Variants in CRBN observed in about 807,000 individuals in gnomAD.
CRBN encodes the protein protein cereblon.
In CRBN, 53 loss-of-function variants were observed where a neutral mutation model predicts 62.2. The ratio of observed to expected loss-of-function variants is 0.85; its 90% CI spans 0.68 to 1.07. The LOEUF is 1.07. CRBN is among the 50% of genes least tolerant of loss of function. The probability of loss-of-function intolerance (pLI) is 0.00; values close to 1 mark genes in which losing one functional copy is unlikely to be tolerated. For missense variants in CRBN, 616 were observed against 531.1 expected (o/e 1.16, Z -1.57); for synonymous variants, 208 against 176.1 (o/e 1.18, Z -1.43).
At chr3:3,152,423 G>GA (rs11414437) in intron 10 of CRBN, 33 bp downstream of exon 10, 334,754 of 1,455,770 alleles carry the variant, frequency 0.23, 21,749 homozygotes, top group East Asian at 0.57. Flanking sequence ...GGTAAAAAAA[G>GA]AAAAAAAAAA....
chr3:3,149,810 TTAC>T (rs1292864341), downstream of CRBN: 1 of 152,140 alleles, frequency 6.6e-6, no homozygotes, highest in Non-Finnish European at 1.5e-5. Flanking sequence ...CCTCATACTA[TTAC>T]TACATTTGAG....
intron 3 of CRBN, 24 bp from the exon 4 acceptor site, chr3:3,172,949 A>T: frequency 6.2e-7 from 1 of 1,602,952 alleles, no homozygotes; most frequent in South Asian, 1.1e-5. Context: ...TTTAAAAGGA[A>T]AGAATTTTGA....
chr3:3,157,702 C>A (rs1706957817), intron 5 of CRBN, among the ~76,000 whole-genome samples: 1 of 152,224 alleles, frequency 6.6e-6, no homozygotes, highest in African/African-American at 2.4e-5. Context: ...CGCAACTGTA[C>A]AATGTGCTAC....
At chr3:3,168,362 G>C (rs1707438481) in intron 4 of CRBN, among the ~76,000 whole-genome samples, 1 of 152,076 alleles carries the variant, frequency 6.6e-6, no homozygotes, top group Non-Finnish European at 1.5e-5. Flanking sequence ...CTGTACAAAG[G>C]ATCAAACTAT....
intron 5 of CRBN, among the ~76,000 whole-genome samples, chr3:3,163,127 C>T (rs1384594638): frequency 6.6e-6 from 1 of 152,150 alleles, no homozygotes; most frequent in Admixed American, 6.5e-5. Flanking sequence ...CACTTGGAGT[C>T]CAAAATAGAT....
intron 5 of CRBN, among the ~76,000 whole-genome samples, chr3:3,161,962 A>T (rs572541785): frequency 6.6e-6 from 1 of 152,348 alleles, no homozygotes; most frequent in South Asian, 2.1e-4. Context: ...ATCCTTCTGT[A>T]TAAGAAAGAA....
In CRBN at chr3:3,150,093, CTGGGTGAGG is replaced by C; in HGVS notation, c.*763_*771del. On this transcript the variant is annotated 3_prime_UTR_variant, in exon 11 of 11. Transcript: ENST00000231948. ...AAAATAATACAGTATCAAGTTTAGT[CTGGGTGAGG>C]GGACATGTTTTGGCATCTTTTCCCT... The C allele has an allele frequency of 6.6e-6, 1 of 152,178 alleles. No homozygotes were observed. The highest frequency in any genetic ancestry group is 2.1e-4 in the South Asian group (1 of 4,826). 9.4% of individuals were successfully genotyped at this position (152,178 alleles called of 1,614,324 possible). A position where few individuals can be genotyped will look rare whatever the true frequency, so the allele number is the denominator to read the frequency against.
Position 3,170,328 on chromosome 3 carries a change from GATATTT to G in CRBN, c.527+2442_527+2447del, listed in dbSNP as rs542210685. Among the ~76,000 whole-genome samples, 489 of 152,240 alleles carry G rather than the reference GATATTT, an allele frequency of 3.2e-3. 2 individuals carry two copies. Among genetic ancestry groups the G allele is most frequent in the Non-Finnish European group, 5.4e-3 (368 of 68,024 alleles). On this transcript the variant is annotated intron_variant, in intron 4 of 10. Transcript: ENST00000231948. ...TGAAGTGTCATTTAGGTAAAAGATG[GATATTT>G]ATATTTTTTAATTTTTATTTTTCTA...
chr3:3,169,133 A>G (rs1251154993), intron 4 of CRBN, among the ~76,000 whole-genome samples: 1 of 152,216 alleles, frequency 6.6e-6, no homozygotes, highest in Non-Finnish European at 1.5e-5. Context: ...CAGTAACATT[A>G]TTGATCCCCT....
intron 1 of CRBN, among the ~76,000 whole-genome samples, chr3:3,176,037 C>A (rs543619779): frequency 7.9e-5 from 12 of 152,158 alleles, no homozygotes; most frequent in Admixed American, 1.3e-4. Context: ...TCCTTTCCCC[C>A]CTCCTTTTCA....
intron 4 of CRBN, chr3:3,172,484 C>A: frequency 2.4e-6 from 1 of 410,488 alleles, no homozygotes; most frequent in Non-Finnish European, 4.5e-6. Flanking sequence ...TGTTCTCAAA[C>A]CTGGAGAGAC....
Position 3,156,471 on chromosome 3 carries a change from AT to A in CRBN, c.688-191del. On this transcript the variant is annotated intron_variant, in intron 5 of 10. Transcript: ENST00000231948. ...AAATCATGCTTCCTATATCCTTCAA[AT>A]ATATATTGTAACTAGAATCTTCATT... 5.0e-6 allele frequency: 3 copies of A among 595,732 alleles called. No homozygotes were observed. The Admixed American group carries it at 9.1e-5, about 18-fold the overall frequency. The allele number at this position is 595,732 out of a possible 1,614,324, so 36.9% of individuals were successfully genotyped here.
intron 1 of CRBN, among the ~76,000 whole-genome samples, chr3:3,177,698 A>ACTC (rs1341442740): frequency 1.3e-5 from 2 of 152,142 alleles, no homozygotes; most frequent in South Asian, 2.1e-4. Flanking sequence ...AACTGTTCTG[A>ACTC]CTCCTAGTCT....
intron 10 of CRBN, among the ~76,000 whole-genome samples, chr3:3,151,650 T>C (rs1483608928): frequency 6.6e-6 from 1 of 152,198 alleles, no homozygotes; most frequent in African/African-American, 2.4e-5. Flanking sequence ...GTAACAAATG[T>C]ATTCTAGTTT....
chr3:3,164,540 C>T (rs1398532742), intron 5 of CRBN, among the ~76,000 whole-genome samples: 2 of 152,136 alleles, frequency 1.3e-5, no homozygotes, highest in Non-Finnish European at 2.9e-5. Context: ...AATCCTAGGG[C>T]CCTTTAAGAA....
intron 1 of CRBN, among the ~76,000 whole-genome samples, 186 bp downstream of exon 1, chr3:3,179,435 G>T (rs1707975027): frequency 6.6e-6 from 1 of 152,166 alleles, no homozygotes; most frequent in Non-Finnish European, 1.5e-5. Context: ...CAACAGAGCA[G>T]CGAAGAAAGC....
chr3:3,154,937 A>T, intron 6 of CRBN, 106 bp from the exon 7 acceptor site: 1 of 732,748 alleles, frequency 1.4e-6, no homozygotes. Context: ...TTAATCACTC[A>T]GTCCCATCTC....
chr3:3,177,981 C>T (rs1672757), intron 1 of CRBN, among the ~76,000 whole-genome samples: 139,595 of 151,852 alleles, frequency 0.92, 65,310 homozygotes, highest in East Asian at 1. Flanking sequence ...CCTCTCCCGA[C>T]GCTTTTCTGA....
chr3:3,161,974 TAAG>T (rs1707160265), intron 5 of CRBN, among the ~76,000 whole-genome samples: 1 of 152,106 alleles, frequency 6.6e-6, no homozygotes, highest in Non-Finnish European at 1.5e-5. Flanking sequence ...AAGAAAGAAA[TAAG>T]AACATTTGTA....
Sources: gnomAD v4.1 joint callset for allele counts (sites outside exome capture counted in the v4.1 genomes callset) on GRCh38, gnomAD v4.1.1 for gene constraint, MANE v1.5 for transcripts, NCBI Gene and HGNC (gene_info 2026-07-23, HGNC 2026-07-21) for gene names.